Variants in FAM131C observed in about 807,000 individuals in gnomAD.
The protein encoded by FAM131C is protein FAM131C.
In FAM131C, 14 loss-of-function variants were observed where a neutral mutation model predicts 29.8. That is an observed-to-expected ratio of 0.47 (90% confidence interval 0.31 to 0.73). FAM131C has a LOEUF of 0.73. Ranked by LOEUF, FAM131C falls within the 30% of genes least tolerant of loss-of-function variation. The pLI, the probability that FAM131C is intolerant of heterozygous loss-of-function variation, is 0.05. For missense variants in FAM131C, 252 were observed against 383.8 expected, an observed-to-expected ratio of 0.66 and a Z score of 2.87; for synonymous variants, 86 against 157.8, an observed-to-expected ratio of 0.54 and a Z score of 3.41.
chr1:16,072,169 A>C (rs2023758563), intron 1 of FAM131C, among the ~76,000 whole-genome samples: 1 of 152,156 alleles, frequency 6.6e-6, no homozygotes, highest in South Asian at 2.1e-4. Context: ...GGCAGCTATC[A>C]TGTTAATATC....
intron 1 of FAM131C, among the ~76,000 whole-genome samples, chr1:16,064,886 G>T (rs1225323401): frequency 6.6e-6 from 1 of 152,236 alleles, no homozygotes; most frequent in African/African-American, 2.4e-5. Flanking sequence ...TGGAGCTGGA[G>T]CTGTGCAGCC....
At chr1:16,061,624 T>G (rs2023594862) in intron 4 of FAM131C, among the ~76,000 whole-genome samples, 1 of 152,130 alleles carries the variant, frequency 6.6e-6, no homozygotes, top group Non-Finnish European at 1.5e-5. Flanking sequence ...GGGTGCTATT[T>G]GTGCTCCCAA....
intron 3 of FAM131C, 89 bp downstream of exon 3, chr1:16,062,410 G>C (rs1213007084): frequency 1.3e-5 from 14 of 1,107,510 alleles, no homozygotes; most frequent in South Asian, 8.9e-5. Flanking sequence ...AGGGCCAGCA[G>C]GACTGTGTGC....
chr1:16,066,667 G>GT (rs1214003133), intron 1 of FAM131C, among the ~76,000 whole-genome samples: 1 of 152,232 alleles, frequency 6.6e-6, no homozygotes, highest in African/African-American at 2.4e-5. Flanking sequence ...TGCAAGTCAG[G>GT]TTAAGTATTA....
chr1:16,073,314 GC>G (rs1244717555), intron 1 of FAM131C, 106 bp downstream of exon 1: 2 of 554,368 alleles, frequency 3.6e-6, no homozygotes, highest in Non-Finnish European at 5.3e-6. Flanking sequence ...GTGCGGCGGG[GC>G]CGTGAAGGGC....
intron 1 of FAM131C, among the ~76,000 whole-genome samples, chr1:16,066,179 G>A (rs184866075): frequency 8.5e-5 from 13 of 152,300 alleles, no homozygotes; most frequent in East Asian, 5.8e-4. Context: ...GAGCCACCAC[G>A]CCCAGCCTGA....
In FAM131C at chr1:16,073,629, C is replaced by A; in HGVS notation, c.-187G>T. On this transcript the variant is annotated 5_prime_UTR_variant, in exon 1 of 7. Coordinates refer to ENST00000375662, the MANE Select transcript of FAM131C (RefSeq NM_182623.3). ...TGCTGCCGCCGCGCCCGGCTCGCCT[C>A]GCGCCGCCGCCTCCCGCGCAGTGCC... 1 of 180,940 alleles carries A rather than the reference C, an allele frequency of 5.5e-6. No homozygotes were observed. The highest frequency in any genetic ancestry group is 1.1e-5 in the Non-Finnish European group (1 of 89,580). The allele number at this position is 180,940 out of a possible 1,614,324, so 11.2% of individuals were successfully genotyped here.
chr1:16,069,103 C>T (rs2023719047), intron 1 of FAM131C, among the ~76,000 whole-genome samples: 4 of 152,176 alleles, frequency 2.6e-5, no homozygotes, highest in Admixed American at 2.6e-4. Context: ...GGATAAATCA[C>T]TTATGCAAGG....
chr1:16,062,396 C>T lies in FAM131C; in HGVS notation c.174+103G>A, dbSNP rs1462096823. 12 of 1,358,544 alleles carry T rather than the reference C, an allele frequency of 8.8e-6. No individual in the cohort carries two copies. The African/African-American group carries it at 1.2e-4, about 13-fold the overall frequency. The allele number at this position is 1,358,544 out of a possible 1,614,324, so 84.2% of individuals were successfully genotyped here. A position where few individuals can be genotyped will look rare whatever the true frequency, so the allele number is the denominator to read the frequency against. ...TTTCATCAGGCCCCCCCCCCCCCCG[C>T]CCCAGGGCCAGCAGGACTGTGTGCC... On this transcript the variant is annotated intron_variant, in intron 3 of 6. Coordinates refer to ENST00000375662, the MANE Select transcript of FAM131C (RefSeq NM_182623.3).
chr1:16,063,562 C>G lies in FAM131C; in HGVS notation c.97G>C (p.Gly33Arg). 6.2e-7 allele frequency: 1 copy of G among 1,613,934 alleles called. No individual in the cohort carries two copies. Among genetic ancestry groups the G allele is most frequent in the East Asian group, 2.2e-5 (1 of 44,874 alleles). ...ADPLNPDLPS[G>R]RTPTVAPDCV... ...TCTGGAGCCACGGTGGGAGTGCGGC[C>G]CGAGGGCAGATCTGGGTTCAAGGGG... is the stretch of plus-strand genomic sequence containing the variant. The change falls in exon 2 of 7, where the codon GGC becomes CGC. Residue 33 changes from glycine (G) to arginine (R), a missense_variant. Gly to Arg is a moderately radical substitution (Grantham distance 125). Transcript: ENST00000375662.
chr1:16,061,297 G>A (rs1366947509), intron 4 of FAM131C, among the ~76,000 whole-genome samples: 1 of 152,114 alleles, frequency 6.6e-6, no homozygotes, highest in African/African-American at 2.4e-5. Context: ...GGAAGGCACT[G>A]GAGATGGAGG....
intron 1 of FAM131C, among the ~76,000 whole-genome samples, chr1:16,065,772 C>T (rs538168184): frequency 6.9e-4 from 105 of 152,332 alleles, no homozygotes; most frequent in African/African-American, 2.5e-3. Context: ...CCTCCATCCT[C>T]CTCTCGCTCC....
chr1:16,070,612 T>A (rs1036525921), intron 1 of FAM131C, among the ~76,000 whole-genome samples: 2 of 152,160 alleles, frequency 1.3e-5, no homozygotes, highest in Non-Finnish European at 2.9e-5. Context: ...GGCAACATAG[T>A]GAGAGCCTGT....
chr1:16,067,424 A>G (rs2023695803), intron 1 of FAM131C, among the ~76,000 whole-genome samples: 1 of 152,100 alleles, frequency 6.6e-6, no homozygotes, highest in South Asian at 2.1e-4. Flanking sequence ...CCTCTCCCAG[A>G]AGGACACCCC....
In FAM131C at chr1:16,071,545, C is replaced by T. The variant is rs557674610; in HGVS notation, c.22+1876G>A. 4.6e-5 allele frequency among the ~76,000 whole-genome samples: 7 copies of T among 152,352 alleles called. No homozygotes were observed. The South Asian group carries it at 1.5e-3, about 32-fold the overall frequency. ...TGGGACCCTGGCTGTCCCCTGCCCA[C>T]ATGGCTCCCCATATTCCTTTCACCT... is the stretch of plus-strand genomic sequence containing the variant. On this transcript the variant is annotated intron_variant, in intron 1 of 6. Coordinates refer to ENST00000375662, the MANE Select transcript of FAM131C (RefSeq NM_182623.3).
intron 5 of FAM131C, 32 bp from the exon 6 acceptor site, chr1:16,059,636 G>A: frequency 1.3e-6 from 2 of 1,542,902 alleles, no homozygotes; most frequent in South Asian, 1.2e-5. Flanking sequence ...GCTCAGGGGG[G>A]CATGGGTGGG....
intron 2 of FAM131C, 43 bp downstream of exon 2, chr1:16,063,478 A>G (rs1332978264): frequency 6.8e-7 from 1 of 1,473,518 alleles, no homozygotes; most frequent in Non-Finnish European, 9.5e-7. Flanking sequence ...ACAGGCCGGG[A>G]ACCGGGGCGC....
intron 1 of FAM131C, 115 bp from the exon 2 acceptor site, chr1:16,063,751 C>T (rs1019954401): frequency 1.5e-5 from 10 of 647,900 alleles, no homozygotes; most frequent in Non-Finnish European, 2.3e-5. Context: ...CCAACAACAT[C>T]GTAGAGAAAG....
intron 1 of FAM131C, among the ~76,000 whole-genome samples, chr1:16,065,777 C>T (rs558078292): frequency 5.9e-5 from 9 of 152,340 alleles, no homozygotes; most frequent in Non-Finnish European, 1.3e-4. Context: ...ATCCTCCTCT[C>T]GCTCCATTCC....
Sources: gnomAD v4.1 joint callset for allele counts (sites outside exome capture counted in the v4.1 genomes callset) on GRCh38, gnomAD v4.1.1 for gene constraint, MANE v1.5 for transcripts, NCBI Gene and HGNC (gene_info 2026-07-23, HGNC 2026-07-21) for gene names.